The following LRRC4C variants were observed in gnomAD, a reference collection of about 807,000 sequenced individuals.
The protein encoded by LRRC4C is leucine-rich repeat-containing protein 4C.
Under a neutral mutation model 33.6 loss-of-function variants are expected in LRRC4C, and 5 were observed. The observed-to-expected ratio is 0.15, with a 90% CI of 0.08 to 0.31. LRRC4C has a LOEUF of 0.31. Ranked by LOEUF, LRRC4C falls within the 10% of genes least tolerant of loss-of-function variation. The pLI, the probability that LRRC4C is intolerant of heterozygous loss-of-function variation, is 1.00. For missense variants in LRRC4C, 560 were observed against 796.7 expected (o/e 0.70, Z 3.58); for synonymous variants, 329 against 302.0 (o/e 1.09, Z -0.93).
At chr11:40,436,707 G>A (rs546544152) in intron 3 of LRRC4C, among the ~76,000 whole-genome samples, 22 of 152,292 alleles carry the variant, frequency 1.4e-4, no homozygotes, top group Admixed American at 4.6e-4. Flanking sequence ...GCCAGAAGCG[G>A]CCCGAAACGT....
chr11:40,635,628 ATTTTTTTTTT>A (rs71060975), intron 3 of LRRC4C, among the ~76,000 whole-genome samples: 3 of 92,198 alleles, frequency 3.3e-5, no homozygotes, highest in African/African-American at 1.2e-4. Context: ...AAAGAACCAA[ATTTTTTTTTT>A]TTTTTTTTTT....
At chr11:40,883,731 C>G (rs1306922832) in intron 2 of LRRC4C, among the ~76,000 whole-genome samples, 1 of 151,452 alleles carries the variant, frequency 6.6e-6, no homozygotes, top group African/African-American at 2.4e-5. Context: ...TGTCATTTTT[C>G]TAATAAGAAA....
intron 6 of LRRC4C, among the ~76,000 whole-genome samples, chr11:40,123,908 A>C (rs1346095445): frequency 6.6e-6 from 1 of 152,184 alleles, no homozygotes; most frequent in African/African-American, 2.4e-5. Context: ...CCAATGGAAC[A>C]TAATAGAGAA....
chr11:40,977,792 A>T (rs1395987843), intron 1 of LRRC4C, among the ~76,000 whole-genome samples: 1 of 152,192 alleles, frequency 6.6e-6, no homozygotes, highest in African/African-American at 2.4e-5. Context: ...TCTATTTGTA[A>T]AACAAACCTA....
chr11:40,750,145 C>T (rs1359622748), intron 2 of LRRC4C, among the ~76,000 whole-genome samples: 4 of 151,956 alleles, frequency 2.6e-5, no homozygotes, highest in Non-Finnish European at 4.4e-5. Context: ...TCACTTGAAC[C>T]CAGGAGGTGG....
rs190407334 is a variant in LRRC4C at position 40,480,989 on chromosome 11, T to G, written c.-269-161268A>C. Among the ~76,000 whole-genome samples, 2 of 151,818 alleles carry G rather than the reference T, an allele frequency of 1.3e-5. 1 individual carries two copies. Among genetic ancestry groups the G allele is most frequent in the East Asian group, 3.9e-4 (2 of 5,156 alleles). ...TATTTTCAGTTATAAGATGAAGAAG[T>G]TTGGGAAATCTAATGTAGAGCATTG... On this transcript the variant is annotated intron_variant, in intron 3 of 6. Coordinates refer to ENST00000528697, the MANE Select transcript of LRRC4C (RefSeq NM_001258419.2).
chr11:40,744,781 C>T (rs1382243283), intron 2 of LRRC4C, among the ~76,000 whole-genome samples: 3 of 152,094 alleles, frequency 2.0e-5, no homozygotes, highest in East Asian at 3.9e-4. Flanking sequence ...AACTATTTGA[C>T]AGCAAAGTCC....
intron 1 of LRRC4C, among the ~76,000 whole-genome samples, chr11:41,339,035 G>A (rs1402292991): frequency 3.3e-5 from 5 of 152,108 alleles, no homozygotes; most frequent in African/African-American, 1.2e-4. Context: ...GAAGCTTCTG[G>A]TAGATTATTA....
At chr11:41,286,327 C>A (rs1949826900) in intron 1 of LRRC4C, among the ~76,000 whole-genome samples, 1 of 152,096 alleles carries the variant, frequency 6.6e-6, no homozygotes, top group South Asian at 2.1e-4. Flanking sequence ...TATTCAAGTG[C>A]TAAATTTGAA....
chr11:40,531,404 G>A (rs1351116991), intron 3 of LRRC4C, among the ~76,000 whole-genome samples: 10 of 152,044 alleles, frequency 6.6e-5, no homozygotes, highest in Admixed American at 6.6e-4. Context: ...AGTACAAAGG[G>A]ACTGTGATAT....
intron 4 of LRRC4C, among the ~76,000 whole-genome samples, chr11:40,289,073 C>T (rs1944024922): frequency 6.6e-6 from 1 of 152,174 alleles, no homozygotes; most frequent in Non-Finnish European, 1.5e-5. Flanking sequence ...TGAGGCAGCA[C>T]TTTATATCTA....
At chr11:41,197,004 T>C (rs1460882082) in intron 1 of LRRC4C, among the ~76,000 whole-genome samples, 1 of 152,080 alleles carries the variant, frequency 6.6e-6, no homozygotes, top group Non-Finnish European at 1.5e-5. Flanking sequence ...TGAAATTCCT[T>C]CTTTGATTTC....
chr11:41,357,748 T>G (rs1364236804), intron 1 of LRRC4C, among the ~76,000 whole-genome samples: 2 of 152,100 alleles, frequency 1.3e-5, no homozygotes, highest in Non-Finnish European at 2.9e-5. Flanking sequence ...AACCATAACT[T>G]TATAGTTATT....
At chr11:40,361,332 C>T (rs12418938) in intron 3 of LRRC4C, among the ~76,000 whole-genome samples, 3 of 152,150 alleles carry the variant, frequency 2.0e-5, no homozygotes, top group East Asian at 1.9e-4. Context: ...AGCCCAAAAG[C>T]TTTGTAAGCT....
intron 3 of LRRC4C, among the ~76,000 whole-genome samples, chr11:40,429,345 A>G (rs561036584): frequency 6.6e-6 from 1 of 152,296 alleles, no homozygotes; most frequent in Non-Finnish European, 1.5e-5. Context: ...AAATGCTAGG[A>G]TTACAGGCTT....
intron 3 of LRRC4C, among the ~76,000 whole-genome samples, chr11:40,484,576 A>G (rs12575736): frequency 0.1 from 15,142 of 152,120 alleles, 877 homozygotes; most frequent in East Asian, 0.13. Flanking sequence ...AGGAGTTGAA[A>G]TAGTAAAAAC....
intron 3 of LRRC4C, among the ~76,000 whole-genome samples, chr11:40,434,696 T>G (rs991156555): frequency 6.6e-6 from 1 of 152,218 alleles, no homozygotes; most frequent in African/African-American, 2.4e-5. Context: ...TCAGAATTAC[T>G]GTTGAACACA....
In LRRC4C at chr11:41,386,893, A is replaced by T. The variant is rs147677725; in HGVS notation, c.-496+72538T>A. ...TTCTTTTGTCTTTATTCCTTTGTGT[A>T]ACAGGAAATGATCAGAACAATAAGA... On this transcript the variant is annotated intron_variant, in intron 1 of 6. Transcript: ENST00000528697. 5.3e-5 allele frequency among the ~76,000 whole-genome samples: 8 copies of T among 151,888 alleles called. No homozygotes were observed. The East Asian group carries it at 1.6e-3, about 29-fold the overall frequency.
At chr11:40,775,505 C>T (rs946246658) in intron 2 of LRRC4C, among the ~76,000 whole-genome samples, 4 of 151,774 alleles carry the variant, frequency 2.6e-5, no homozygotes, top group Non-Finnish European at 5.9e-5. Flanking sequence ...AAGTTAGATG[C>T]ATTTTTAGTT....
Sources: gnomAD v4.1 joint callset for allele counts (sites outside exome capture counted in the v4.1 genomes callset) on GRCh38, gnomAD v4.1.1 for gene constraint, MANE v1.5 for transcripts, NCBI Gene and HGNC (gene_info 2026-07-23, HGNC 2026-07-21) for gene names.